Variants in CCNYL1 observed in about 807,000 individuals in gnomAD.
The protein encoded by CCNYL1 is cyclin-Y-like protein 1.
Under a neutral mutation model 44.2 loss-of-function variants are expected in CCNYL1, and 16 were observed. The ratio of observed to expected loss-of-function variants is 0.36; its 90% CI spans 0.25 to 0.55. The LOEUF (loss-of-function observed/expected upper bound fraction) is 0.55, where lower values mean the gene tolerates loss of function less well. Ranked by LOEUF, CCNYL1 falls within the 20% of genes least tolerant of loss-of-function variation. CCNYL1 has a pLI of 0.85. For synonymous variants in CCNYL1, 159 were observed against 163.2 expected, an observed-to-expected ratio of 0.97 and a Z score of 0.20; for missense variants, 348 against 451.8, an observed-to-expected ratio of 0.77 and a Z score of 2.08.
At chr2:207,733,836 G>A (rs2091746251) in intron 3 of CCNYL1, 111 bp from the exon 4 acceptor site, 1 of 684,376 alleles carries the variant, frequency 1.5e-6, no homozygotes, top group African/African-American at 1.8e-5. Context: ...AGTTCATGGA[G>A]TGTAAGAAAT....
At chr2:207,744,530 ATTTT>A (rs57198526) in intron 7 of CCNYL1, among the ~76,000 whole-genome samples, 1 of 137,368 alleles carries the variant, frequency 7.3e-6, no homozygotes, top group African/African-American at 2.7e-5. Context: ...ACCACGCCTA[ATTTT>A]TTTTTTTTTT....
intron 2 of CCNYL1, 96 bp downstream of exon 2, chr2:207,724,970 AT>A: frequency 1.1e-6 from 1 of 940,652 alleles, no homozygotes; most frequent in Non-Finnish European, 1.6e-6. Flanking sequence ...GAACTGATGT[AT>A]TAGTTTAAAA....
rs75785345 is a variant in CCNYL1, at chr2:207,727,965, T to C, written c.330+1089T>C. On this transcript the variant is annotated intron_variant, in intron 3 of 9. Coordinates refer to ENST00000295414, the MANE Select transcript of CCNYL1 (RefSeq NM_001330218.2). The stretch of plus-strand genomic sequence containing the variant: ...TCCCCTATTTCTTTCTCTCTCTCTC[T>C]TTTTTTTTTTTTTTTGAGACAAAGT... Among the ~76,000 whole-genome samples the C allele has an allele frequency of 3.0e-5, 4 of 135,010 alleles. 1 individual carries two copies. Among genetic ancestry groups the C allele is most frequent in the Non-Finnish European group, 6.3e-5 (4 of 63,292 alleles). 88.6% of individuals were successfully genotyped at this position (135,010 alleles called of 152,430 possible).
chr2:207,738,214 T>C (rs2091779992), intron 5 of CCNYL1, among the ~76,000 whole-genome samples: 2 of 142,408 alleles, frequency 1.4e-5, no homozygotes, highest in Admixed American at 1.5e-4. Flanking sequence ...CTTTATTTTT[T>C]AGTTTATTTT....
chr2:207,714,545 A>G (rs2091578362), intron 1 of CCNYL1: 1 of 274,264 alleles, frequency 3.6e-6, no homozygotes, highest in South Asian at 3.3e-5. Context: ...CATCAAATAA[A>G]CAGGTTGATA....
At chr2:207,749,714 T>A (rs1244816122) in intron 8 of CCNYL1, among the ~76,000 whole-genome samples, 1 of 152,206 alleles carries the variant, frequency 6.6e-6, no homozygotes, top group Non-Finnish European at 1.5e-5. Flanking sequence ...ATTATCTGAT[T>A]TACATTTCTA....
At position 207,750,947 on chromosome 2, in the gene CCNYL1, C is replaced by T; in HGVS notation, c.807-10C>T. 1.2e-6 allele frequency: 2 copies of T among 1,611,924 alleles called. No individual in the cohort carries two copies. The highest frequency in any genetic ancestry group is 1.7e-6 in the Non-Finnish European group (2 of 1,179,068). The stretch of plus-strand genomic sequence containing the variant: ...CCTGTGCTGGTTCTGTTGTGTTCTT[C>T]CTCCTCCAGGAATGAAATGGAAAGG... On this transcript the variant is annotated splice_polypyrimidine_tract_variant and intron_variant, in intron 8 of 9. Transcript: ENST00000295414.
intron 7 of CCNYL1, among the ~76,000 whole-genome samples, chr2:207,744,735 C>T (rs1051669984): frequency 6.6e-6 from 1 of 152,074 alleles, no homozygotes; most frequent in Non-Finnish European, 1.5e-5. Flanking sequence ...GAGTGAAGTG[C>T]TCTTAAGAAG....
At position 207,747,233 on chromosome 2, in the gene CCNYL1, G is replaced by T; in HGVS notation, c.806+20G>T. 6.3e-7 allele frequency: 1 copy of T among 1,588,150 alleles called. No individual in the cohort carries two copies. Among genetic ancestry groups the T allele is most frequent in the Non-Finnish European group, 8.6e-7 (1 of 1,162,424 alleles). On this transcript the variant is annotated intron_variant, in intron 8 of 9. Coordinates refer to ENST00000295414, the MANE Select transcript of CCNYL1 (RefSeq NM_001330218.2). Reference sequence around the variant, plus strand: ...GGACATGTGAGTTTGTAAGGTTTTGGTGAACTTTCTAACCATTTTCCAGTA... The same window carrying T: ...GGACATGTGAGTTTGTAAGGTTTTGTTGAACTTTCTAACCATTTTCCAGTA...
At chr2:207,752,224 G>A (rs16840004) in intron 9 of CCNYL1, among the ~76,000 whole-genome samples, 23,622 of 152,030 alleles carry the variant, frequency 0.16, 3,041 homozygotes, top group East Asian at 0.38. Context: ...ACCCTTCACT[G>A]TATAGGATGC....
At chr2:207,717,108 CAAAA>C (rs1171959044) in intron 1 of CCNYL1, among the ~76,000 whole-genome samples, 3 of 62,174 alleles carry the variant, frequency 4.8e-5, no homozygotes, top group East Asian at 5.7e-4. Flanking sequence ...GACTCCATCT[CAAAA>C]AAAAAAAAAA....
At chr2:207,718,800 C>G (rs184338441) in intron 1 of CCNYL1, among the ~76,000 whole-genome samples, 3 of 152,224 alleles carry the variant, frequency 2.0e-5, no homozygotes, top group Admixed American at 6.5e-5. Flanking sequence ...GCATTTAATC[C>G]AGAAATCCTA....
chr2:207,715,462 C>T (rs985805398), intron 1 of CCNYL1, among the ~76,000 whole-genome samples: 1 of 140,750 alleles, frequency 7.1e-6, no homozygotes, highest in Middle Eastern at 3.8e-3. Context: ...TCAGTGCAAC[C>T]TCTTCCTCCC....
intron 1 of CCNYL1, among the ~76,000 whole-genome samples, chr2:207,715,759 C>G (rs1028315178): frequency 2.7e-5 from 4 of 150,890 alleles, no homozygotes; most frequent in African/African-American, 9.8e-5. Flanking sequence ...TCACTGTAAC[C>G]TCTGCGCCCA....
At chr2:207,726,821 G>C in intron 2 of CCNYL1, 21 bp from the exon 3 acceptor site, 1 of 1,556,862 alleles carries the variant, frequency 6.4e-7, no homozygotes, top group Non-Finnish European at 8.7e-7. Context: ...GAATTGATCA[G>C]CTAATTTTTT....
intron 6 of CCNYL1, 23 bp from the exon 7 acceptor site, chr2:207,742,200 C>T (rs752901476): frequency 2.0e-6 from 3 of 1,488,880 alleles, no homozygotes; most frequent in South Asian, 1.2e-5. Flanking sequence ...TGGATACTAA[C>T]ATTGCATCTT....
intron 1 of CCNYL1, chr2:207,714,246 T>TA: frequency 1.3e-5 from 5 of 393,470 alleles, no homozygotes; most frequent in South Asian, 7.7e-5. Context: ...TTTGAGAACT[T>TA]ACTTCGGTCT....
intron 4 of CCNYL1, among the ~76,000 whole-genome samples, chr2:207,734,868 A>G (rs968617960): frequency 3.9e-5 from 6 of 152,192 alleles, no homozygotes; most frequent in African/African-American, 1.4e-4. Context: ...CACTTAAAAC[A>G]ATAGTTGAAA....
At chr2:207,718,685 T>C (rs2091616338) in intron 1 of CCNYL1, among the ~76,000 whole-genome samples, 1 of 152,190 alleles carries the variant, frequency 6.6e-6, no homozygotes, top group Non-Finnish European at 1.5e-5. Flanking sequence ...GACAATACAT[T>C]CTTTGGTGTG....
Sources: allele counts gnomAD v4.1 joint callset (sites outside exome capture counted in the v4.1 genomes callset), GRCh38; gene constraint gnomAD v4.1.1; transcripts MANE v1.5; gene names NCBI Gene and HGNC (gene_info 2026-07-23, HGNC 2026-07-21).